B9D1: variants seen among roughly 807,000 people sequenced by gnomAD.
B9D1 encodes B9 domain containing 1, also known as B9 domain-containing protein 1.
Under a neutral mutation model 26.1 loss-of-function variants are expected in B9D1, and 20 were observed. The observed-to-expected ratio is 0.77, with a 90% CI of 0.54 to 1.12. B9D1 has a LOEUF of 1.12. B9D1 is among the 50% of genes most tolerant of loss of function. The pLI is 0.00. For synonymous variants in B9D1, 105 were observed against 103.1 expected (o/e 1.02, Z -0.11); for missense variants, 260 against 273.7 (o/e 0.95, Z 0.35).
intron 6 of B9D1, 21 bp from the exon 7 acceptor site, chr17:19,343,482 T>A: frequency 6.2e-7 from 1 of 1,614,078 alleles, no homozygotes; most frequent in Non-Finnish European, 8.5e-7. Flanking sequence ...AAGGGCAGCA[T>A]CAGCCAGGCT....
chr17:19,352,645 C>T (rs1021837909), intron 3 of B9D1, among the ~76,000 whole-genome samples: 2 of 151,784 alleles, frequency 1.3e-5, no homozygotes, highest in East Asian at 1.9e-4. Flanking sequence ...CCTCAGCCTC[C>T]CGAGTAGCTG....
chr17:19,360,369 A>G lies in B9D1; in HGVS notation c.83T>C (p.Leu28Pro). 6.2e-7 allele frequency: 1 copy of G among 1,613,950 alleles called. No individual in the cohort carries two copies. Among genetic ancestry groups the G allele is most frequent in the Non-Finnish European group, 8.5e-7 (1 of 1,180,016 alleles). Residue 28 changes from leucine to proline, a missense_variant, in exon 2 of 7, where the codon CTC becomes CCC. Physicochemically the swap from Leu to Pro is moderately conservative, Grantham distance 98. Transcript: ENST00000261499. ...ESAQFPEYDD[L>P]YCKYCFVYGQ... ...GTACACAAAGCAGTACTTGCAGTAG[A>G]GGTCATCATACTCTGGAAACTGAAA...
At position 19,347,647 on chromosome 17, in the gene B9D1, C is replaced by G. The variant is rs1482581778; in HGVS notation, c.341+137G>C. Reference sequence around the variant, plus strand: ...CTCCTCCCAAATACAGGCTACAACCCCCCTGGCCACCAGGCTGAGCTGCCC... The same window carrying G: ...CTCCTCCCAAATACAGGCTACAACCGCCCTGGCCACCAGGCTGAGCTGCCC... On this transcript the variant is annotated intron_variant, in intron 4 of 6. Coordinates refer to ENST00000261499, the MANE Select transcript of B9D1 (RefSeq NM_015681.6). This position sits in a 1 kb window ranked among gnomAD's most constrained non-coding sequence, Gnocchi z 4.3. 1 of 864,118 alleles carries G rather than the reference C, an allele frequency of 1.2e-6. No individual in the cohort carries two copies. The highest frequency in any genetic ancestry group is 2.6e-5 in the East Asian group (1 of 37,746). 53.5% of individuals were successfully genotyped at this position (864,118 alleles called of 1,614,324 possible).
intron 1 of B9D1, chr17:19,371,669 C>G (rs1321217486): frequency 6.6e-6 from 1 of 152,302 alleles, no homozygotes; most frequent in Non-Finnish European, 1.5e-5. Context: ...GCAGATTCAT[C>G]TGTTAAACTG....
At chr17:19,377,785 G>A (rs1017955167) in intron 1 of B9D1, 3 of 973,182 alleles carry the variant, frequency 3.1e-6, no homozygotes, top group Admixed American at 6.2e-5. Context: ...AGGTTGGGCG[G>A]CCGCCTCGGT....
upstream of B9D1, among the ~76,000 whole-genome samples, chr17:19,365,802 A>C (rs1294239746): frequency 2.0e-5 from 3 of 152,122 alleles, no homozygotes; most frequent in Non-Finnish European, 1.5e-5. This position sits in a 1 kb window ranked among gnomAD's most constrained non-coding sequence, Gnocchi z 5.0. Flanking sequence ...TGTGAGGATT[A>C]AATGTGATAA....
At chr17:19,345,618 C>T (rs894403048) in intron 5 of B9D1, among the ~76,000 whole-genome samples, 5 of 152,204 alleles carry the variant, frequency 3.3e-5, no homozygotes, top group Non-Finnish European at 5.9e-5. Context: ...ACAGAGTCTC[C>T]CCTAGAGCCT....
chr17:19,373,516 C>T (rs1203803806), intron 1 of B9D1, among the ~76,000 whole-genome samples: 5 of 151,950 alleles, frequency 3.3e-5, no homozygotes, highest in South Asian at 2.1e-4. Context: ...CTCAGCCTCC[C>T]GAGCAGCTGG....
In B9D1 at chr17:19,347,914, A is replaced by G. The variant is rs1277081048; in HGVS notation, c.245-34T>C. On this transcript the variant is annotated intron_variant, in intron 3 of 6. Transcript: ENST00000261499. The surrounding 1 kb of genome is among the most constrained non-coding windows in gnomAD (Gnocchi z 4.3). ...GGACAAGGCAGGGGGTGGGCACATG[A>G]GGACACACAGGGGAGGTGCAGGGCA... 8 of 1,576,850 alleles carry G rather than the reference A, an allele frequency of 5.1e-6. No individual in the cohort carries two copies. The East Asian group carries it at 1.8e-4, about 35-fold the overall frequency.
intron 1 of B9D1, among the ~76,000 whole-genome samples, chr17:19,374,037 C>T (rs1350861542): frequency 6.6e-6 from 1 of 152,172 alleles, no homozygotes; most frequent in Non-Finnish European, 1.5e-5. Context: ...GAAACGTGAG[C>T]CAAGTGAGTG....
At chr17:19,357,708 T>C (rs1910536238) in intron 3 of B9D1, 132 bp downstream of exon 3, 1 of 743,074 alleles carries the variant, frequency 1.3e-6, no homozygotes, top group East Asian at 2.6e-5. Context: ...AGAGAGAACG[T>C]TGAGGGCTGC....
downstream of B9D1, chr17:19,341,039 A>G: frequency 2.2e-6 from 2 of 921,270 alleles, no homozygotes; most frequent in East Asian, 3.6e-5. Flanking sequence ...GGTAAAATCT[A>G]GGTGGTGGGT....
intron 3 of B9D1, among the ~76,000 whole-genome samples, chr17:19,348,260 C>G (rs931800662): frequency 6.6e-6 from 1 of 152,028 alleles, no homozygotes; most frequent in Admixed American, 6.6e-5. Context: ...CTGATGGAGG[C>G]GGGCTCATGG....
chr17:19,341,120 G>A, downstream of B9D1: 1 of 1,227,002 alleles, frequency 8.1e-7, no homozygotes, highest in Non-Finnish European at 1.0e-6. Context: ...GAGAAAAATT[G>A]GAAAATTAAA....
downstream of B9D1, chr17:19,336,786 G>A (rs1445390832): frequency 6.6e-6 from 1 of 152,622 alleles, no homozygotes; most frequent in Non-Finnish European, 1.5e-5. Flanking sequence ...GGTGGGAGAT[G>A]AGGGAGCCGA....
chr17:19,365,129 G>A (rs28455143), upstream of B9D1, among the ~76,000 whole-genome samples: 56 of 152,398 alleles, frequency 3.7e-4, no homozygotes, highest in African/African-American at 1.2e-3. This position sits in a 1 kb window ranked among gnomAD's most constrained non-coding sequence, Gnocchi z 5.0. Flanking sequence ...TGGCCAGGGG[G>A]ACGGCCTGCA....
At chr17:19,346,825 G>T in intron 5 of B9D1, 1 of 1,086,260 alleles carries the variant, frequency 9.2e-7, no homozygotes, top group South Asian at 1.7e-5. Context: ...TGTGCCTGAT[G>T]TTCTTCCCCG....
downstream of B9D1, chr17:19,337,604 G>T: frequency 1.0e-6 from 1 of 979,526 alleles, no homozygotes; most frequent in Non-Finnish European, 1.5e-6. Context: ...AGGGTGTGTG[G>T]GATGCTCTTG....
chr17:19,337,100 A>C (rs942945626), downstream of B9D1, among the ~76,000 whole-genome samples: 2 of 152,198 alleles, frequency 1.3e-5, no homozygotes, highest in African/African-American at 4.8e-5. Flanking sequence ...TCTTGTGTCC[A>C]TGCTGCAGAA....
Sources: gnomAD v4.1 joint callset for allele counts (sites outside exome capture counted in the v4.1 genomes callset) on GRCh38, gnomAD v4.1.1 for gene constraint, Gnocchi (gnomAD v3.1) non-coding constraint, MANE v1.5 for transcripts, NCBI Gene and HGNC (gene_info 2026-07-23, HGNC 2026-07-21) for gene names.